RRP12: variants seen among roughly 807,000 people sequenced by gnomAD.
RRP12 encodes the protein RRP12-like protein.
RRP12 carries 78 observed loss-of-function variants against 157.3 expected under a neutral mutation model. That is an observed-to-expected ratio of 0.50 (90% CI 0.41 to 0.60). The LOEUF is 0.60. Ranked by LOEUF, RRP12 falls within the 20% of genes least tolerant of loss-of-function variation. The pLI, the probability that RRP12 is intolerant of heterozygous loss-of-function variation, is 0.00. For synonymous variants in RRP12, 726 were observed against 670.9 expected (o/e 1.08, Z -1.27); for missense variants, 1,521 against 1,679.9 (o/e 0.91, Z 1.65).
At chr10:97,390,671 T>C in intron 5 of RRP12, 68 bp downstream of exon 5, 6 of 1,398,192 alleles carry the variant, frequency 4.3e-6, no homozygotes, top group Non-Finnish European at 6.1e-6. Context: ...TCAGGGAACA[T>C]CTAAGCATCA....
Position 97,400,398 on chromosome 10 carries a change from C to T in RRP12, c.276G>A (p.Ser92=), listed in dbSNP as rs140400696. 151 of 1,614,008 alleles carry T rather than the reference C, an allele frequency of 9.4e-5. No individual in the cohort carries two copies. The African/African-American group carries it at 1.5e-3, about 16-fold the overall frequency. ...CGGAAAGGCCACTCAGGAAGGTACC[C>T]GAGGACTTCTCGGTGAGAACCAGCT... is the stretch of plus-strand genomic sequence containing the variant. The part of the protein sequence containing the change: ...EAELVLTEKS[S]GTFLSGLSDC... The change falls in exon 2 of 34, where the codon TCG becomes TCA. Residue 92 remains serine, a synonymous_variant. Coordinates refer to ENST00000370992, the MANE Select transcript of RRP12 (RefSeq NM_015179.4).
intron 33 of RRP12, among the ~76,000 whole-genome samples, chr10:97,357,512 G>A (rs1446347901): frequency 2.0e-5 from 3 of 152,072 alleles, no homozygotes; most frequent in South Asian, 2.1e-4. Context: ...CTTACAACCC[G>A]CAGAAGCTAG....
chr10:97,398,349 C>T (rs1363929396), intron 2 of RRP12, among the ~76,000 whole-genome samples: 1 of 67,902 alleles, frequency 1.5e-5, no homozygotes, highest in Admixed American at 1.4e-4. Context: ...CCACCGCGCC[C>T]GGCCTTTTTT....
At chr10:97,386,080 T>A (rs1844623788) in intron 8 of RRP12, 87 bp from the exon 9 acceptor site, 1 of 831,480 alleles carries the variant, frequency 1.2e-6, no homozygotes, top group South Asian at 1.5e-5. Flanking sequence ...TGCTAGGGAG[T>A]TGAGGGCCCC....
chr10:97,393,525 G>A (rs1412633041), intron 4 of RRP12, 159 bp downstream of exon 4: 2 of 700,868 alleles, frequency 2.9e-6, no homozygotes, highest in African/African-American at 1.7e-5. Flanking sequence ...GGCCTACGAC[G>A]GTATGTCACA....
chr10:97,358,287 C>T (rs537233543), intron 33 of RRP12, among the ~76,000 whole-genome samples: 1 of 152,032 alleles, frequency 6.6e-6, no homozygotes, highest in African/African-American at 2.4e-5. Context: ...GAGCCAAGAT[C>T]GCACCACTGC....
chr10:97,361,117 G>T (rs1843831650), intron 30 of RRP12, among the ~76,000 whole-genome samples: 1 of 152,192 alleles, frequency 6.6e-6, no homozygotes, highest in Admixed American at 6.5e-5. Flanking sequence ...GTGCTCCACG[G>T]GCTCTCAGGC....
Position 97,370,552 on chromosome 10 carries a change from C to A in RRP12, c.2592G>T (p.Leu864=), listed in dbSNP as rs371287285. 6.8e-6 allele frequency: 11 copies of A among 1,610,116 alleles called. No individual in the cohort carries two copies. The African/African-American group carries it at 1.5e-4, about 22-fold the overall frequency. The change falls in exon 23 of 34, where the codon CTG becomes CTT. Residue 864 remains leucine (L), a synonymous_variant. Transcript: ENST00000370992. ...CGCCCACCGACACCTCCTTGGTGCA[C>A]AGGATCACCTGGCCAAGACAACTCC... is the stretch of plus-strand genomic sequence containing the variant. ...FITALIPEVI[L]CTKEVSVGAR...
Position 97,374,016 on chromosome 10 carries a change from C to A in RRP12, c.1799-122G>T. ...GAATATGGGTGACTTCCCCCCATCT[C>A]CATGAATTAAATCATACTTGTTCAT... is the stretch of plus-strand genomic sequence containing the variant. On this transcript the variant is annotated intron_variant, in intron 15 of 33. Coordinates refer to ENST00000370992, the MANE Select transcript of RRP12 (RefSeq NM_015179.4). The A allele has an allele frequency of 9.6e-6, 7 of 729,776 alleles. No homozygotes were observed. The South Asian group carries it at 1.1e-4, about 11-fold the overall frequency. The allele number at this position is 729,776 out of a possible 1,614,324, so 45.2% of individuals were successfully genotyped here.
intron 4 of RRP12, among the ~76,000 whole-genome samples, chr10:97,392,607 CA>C (rs1472572462): frequency 1.3e-5 from 2 of 152,222 alleles, no homozygotes; most frequent in South Asian, 2.1e-4. Flanking sequence ...CCTCAGCCTC[CA>C]AAAGTGCTGG....
intron 29 of RRP12, among the ~76,000 whole-genome samples, chr10:97,364,919 AG>A (rs1843932370): frequency 6.6e-6 from 1 of 152,166 alleles, no homozygotes; most frequent in African/African-American, 2.4e-5. Context: ...CTGGGCACCA[AG>A]GGGGACAGGA....
intron 15 of RRP12, among the ~76,000 whole-genome samples, chr10:97,374,294 CAAG>C (rs1385056713): frequency 6.6e-6 from 1 of 152,072 alleles, no homozygotes; most frequent in East Asian, 1.9e-4. Context: ...CTCAGCCTCC[CAAG>C]AAGCAGACTA....
intron 2 of RRP12, 93 bp downstream of exon 2, chr10:97,400,212 G>T: frequency 1.1e-6 from 1 of 892,638 alleles, no homozygotes. Context: ...AATACCAGCT[G>T]TTGTCATCGG....
intron 28 of RRP12, 105 bp from the exon 29 acceptor site, chr10:97,366,338 C>T: frequency 6.4e-7 from 1 of 1,565,010 alleles, no homozygotes; most frequent in Non-Finnish European, 8.6e-7. Flanking sequence ...GGGCGCCTCT[C>T]AGCCCTGTCC....
chr10:97,393,817 A>G lies in RRP12; in HGVS notation c.454-57T>C. 2.8e-6 allele frequency: 4 copies of G among 1,423,378 alleles called. No homozygotes were observed. In the South Asian group the frequency reaches 3.5e-5, roughly 12 times the overall value. 88.2% of individuals were successfully genotyped at this position (1,423,378 alleles called of 1,614,324 possible). A position where few individuals can be genotyped will look rare whatever the true frequency, so the allele number is the denominator to read the frequency against. The stretch of plus-strand genomic sequence containing the variant: ...TAAAAACTTACACTGAGCAAACAGG[A>G]AAGAGAGTGGGGGAACATGTGCCCA... On this transcript the variant is annotated intron_variant, in intron 3 of 33. Coordinates refer to ENST00000370992, the MANE Select transcript of RRP12 (RefSeq NM_015179.4).
rs1245746272 is a variant in RRP12, at chr10:97,380,856, C to G, written c.1476G>C (p.Gln492His). Residue 492 changes from glutamine (Q) to histidine (H), a missense_variant, in exon 13 of 34, where the codon CAG becomes CAC. Coordinates refer to ENST00000370992, the MANE Select transcript of RRP12 (RefSeq NM_015179.4). The stretch of plus-strand genomic sequence containing the variant: ...ACGCCTCGAAGAAGACACACAGCAG[C>G]TGCAACACGGAGCTCCAGGCCGCAT... ...KFHAAWSSVLQLLCVFFEACG... is the reference protein window; with the variant it reads ...KFHAAWSSVLHLLCVFFEACG... The G allele has an allele frequency of 3.7e-6, 6 of 1,614,222 alleles. No homozygotes were observed. The highest frequency in any genetic ancestry group is 4.5e-5 in the East Asian group (2 of 44,884).
intron 8 of RRP12, among the ~76,000 whole-genome samples, chr10:97,387,027 G>A (rs1844652698): frequency 6.6e-6 from 1 of 152,002 alleles, no homozygotes; most frequent in Non-Finnish European, 1.5e-5. Context: ...TGAGTTGGCG[G>A]GGGTATCTGT....
chr10:97,365,129 C>T (rs1037319214), intron 29 of RRP12, among the ~76,000 whole-genome samples: 3 of 152,034 alleles, frequency 2.0e-5, no homozygotes, highest in African/African-American at 7.3e-5. Context: ...GCTGACCGAG[C>T]GGCTGCAGTC....
intron 4 of RRP12, 26 bp from the exon 5 acceptor site, chr10:97,390,870 C>T: frequency 1.4e-6 from 2 of 1,480,292 alleles, no homozygotes; most frequent in Non-Finnish European, 1.9e-6. Context: ...GAGATGGTCA[C>T]CCCAGAGGGT....
Sources: allele counts gnomAD v4.1 joint callset (sites outside exome capture counted in the v4.1 genomes callset), GRCh38; gene constraint gnomAD v4.1.1; transcripts MANE v1.5; gene names NCBI Gene and HGNC (gene_info 2026-07-23, HGNC 2026-07-21).